Variants in DNASE1 observed in about 807,000 individuals in gnomAD.
DNASE1 encodes the protein deoxyribonuclease-1.
A neutral mutation model predicts 33.9 loss-of-function variants in DNASE1; 40 were observed. The ratio of observed to expected loss-of-function variants is 1.18; its 90% confidence interval spans 0.92 to 1.54. The LOEUF (loss-of-function observed/expected upper bound fraction) is 1.54. Among genes scored for constraint, DNASE1 ranks in the 40% most tolerant of loss-of-function variants. The pLI, the probability that DNASE1 is intolerant of heterozygous loss-of-function variation, is 0.00. For synonymous variants in DNASE1, 216 were observed against 160.0 expected (o/e 1.35, Z -2.64); for missense variants, 518 against 372.6 (o/e 1.39, Z -3.21).
intron 1 of DNASE1, among the ~76,000 whole-genome samples, chr16:3,643,308 G>T (rs1208276397): frequency 6.6e-6 from 1 of 152,276 alleles, no homozygotes; most frequent in African/African-American, 2.4e-5. Flanking sequence ...GCTGCTTAGG[G>T]CAGAGGAGCA....
intron 1 of DNASE1, among the ~76,000 whole-genome samples, chr16:3,624,307 G>T (rs1315281412): frequency 6.6e-6 from 1 of 150,644 alleles, no homozygotes; most frequent in Non-Finnish European, 1.5e-5. Context: ...TTGTGTCCTT[G>T]GTTAGCAAGG....
intron 1 of DNASE1, among the ~76,000 whole-genome samples, chr16:3,633,985 T>C (rs1467418189): frequency 6.6e-6 from 1 of 151,118 alleles, no homozygotes; most frequent in East Asian, 2.0e-4. Flanking sequence ...AGTTTTTTTG[T>C]ATTTTTAGTA....
upstream of DNASE1, chr16:3,653,806 C>CAAAAAAAA (rs71133649): frequency 9.7e-4 from 36 of 37,038 alleles, 5 homozygotes; most frequent in African/African-American, 3.5e-3. Flanking sequence ...GATTCCGCCT[C>CAAAAAAAA]AAAAAAAAAA....
intron 1 of DNASE1, 143 bp downstream of exon 1, chr16:3,655,187 T>C: frequency 2.6e-6 from 2 of 755,810 alleles, no homozygotes. Flanking sequence ...GAGGAGTGAC[T>C]CGGGGTCCTC....
chr16:3,661,132 C>G (rs1035482614), downstream of DNASE1: 1 of 151,892 alleles, frequency 6.6e-6, no homozygotes, highest in Non-Finnish European at 1.5e-5. Context: ...TTAAAATACC[C>G]CATAAGACAC....
chr16:3,656,193 G>A lies in DNASE1; in HGVS notation c.320+8G>A. 6.2e-7 allele frequency: 1 copy of A among 1,613,874 alleles called. No homozygotes were observed. The highest frequency in any genetic ancestry group is 8.5e-7 in the Non-Finnish European group (1 of 1,179,956). On this transcript the variant is annotated splice_region_variant and intron_variant, in intron 4 of 8. Coordinates refer to ENST00000246949, the MANE Select transcript of DNASE1 (RefSeq NM_005223.4). The stretch of plus-strand genomic sequence containing the variant: ...CTACCTGTTCGTGTACAGGTGGGTG[G>A]TCTAGAAAGCCAGGAAGCCCCTCCC...
chr16:3,657,865 C>T, intron 8 of DNASE1, 41 bp from the exon 9 acceptor site: 1 of 1,614,006 alleles, frequency 6.2e-7, no homozygotes, highest in Non-Finnish European at 8.5e-7. Flanking sequence ...CACAGGAGCT[C>T]AGGTAGGCTC....
At chr16:3,635,609 G>A (rs1308076252) in intron 1 of DNASE1, among the ~76,000 whole-genome samples, 2 of 151,496 alleles carry the variant, frequency 1.3e-5, no homozygotes, top group Admixed American at 6.6e-5. Flanking sequence ...TGCAAGGCAG[G>A]TCTACTGATG....
At chr16:3,632,608 A>G (rs1364363961) in intron 1 of DNASE1, among the ~76,000 whole-genome samples, 1 of 145,370 alleles carries the variant, frequency 6.9e-6, no homozygotes, top group Non-Finnish European at 1.5e-5. Flanking sequence ...TTTAAAGACG[A>G]GAGTTTCACT....
chr16:3,658,927 T>C, downstream of DNASE1: 1 of 1,549,578 alleles, frequency 6.5e-7, no homozygotes, highest in Non-Finnish European at 8.9e-7. Flanking sequence ...CCTCCCTTCA[T>C]GTTTTGGGAT....
intron 1 of DNASE1, among the ~76,000 whole-genome samples, chr16:3,631,454 C>T (rs954808688): frequency 1.3e-5 from 2 of 152,164 alleles, no homozygotes; most frequent in African/African-American, 4.8e-5. Context: ...ATCCACCTGC[C>T]TCGGCCTCCC....
In DNASE1 at chr16:3,655,035, A is replaced by G. The variant is rs983911758; in HGVS notation, c.-11A>G. 3.6e-6 allele frequency: 2 copies of G among 558,332 alleles called. No individual in the cohort carries two copies. Among genetic ancestry groups the G allele is most frequent in the Non-Finnish European group, 6.3e-6 (2 of 315,592 alleles). The allele number at this position is 558,332 out of a possible 1,614,324, so 34.6% of individuals were successfully genotyped here. On this transcript the variant is annotated 5_prime_UTR_variant, in exon 1 of 9. Coordinates refer to ENST00000246949, the MANE Select transcript of DNASE1 (RefSeq NM_005223.4). ...TCTCGTCATCTCTGAGGACATCACC[A>G]TCATCTCAGGTGAGCACCAGGTGGA...
chr16:3,615,267 T>TG (rs2041061068), intron 1 of DNASE1, among the ~76,000 whole-genome samples: 1 of 152,178 alleles, frequency 6.6e-6, no homozygotes, highest in Non-Finnish European at 1.5e-5. Flanking sequence ...GGGTGGTGCA[T>TG]GGGATTTCCA....
chr16:3,637,275 T>A (rs1221446191), intron 1 of DNASE1, among the ~76,000 whole-genome samples: 1 of 152,216 alleles, frequency 6.6e-6, no homozygotes, highest in Non-Finnish European at 1.5e-5. Flanking sequence ...TGTTTTTCCT[T>A]CCTTGGGTTT....
chr16:3,663,772 G>A (rs920026797), exon 10 of DNASE1: 15 of 599,512 alleles, frequency 2.5e-5, no homozygotes, highest in Admixed American at 2.1e-4. Flanking sequence ...AGCACTCCAC[G>A]CATAAAGAAA....
chr16:3,664,427 G>A, exon 10 of DNASE1: 1 of 1,612,340 alleles, frequency 6.2e-7, no homozygotes, highest in Non-Finnish European at 8.5e-7. Flanking sequence ...GCAGCGCCGA[G>A]GACTCGTAGC....
chr16:3,655,705 C>G (rs990941968), intron 2 of DNASE1, 144 bp from the exon 3 acceptor site: 37 of 1,373,482 alleles, frequency 2.7e-5, no homozygotes, highest in Non-Finnish European at 3.5e-5. Flanking sequence ...CTGTCCCTGG[C>G]TGGCAGCAGG....
In DNASE1 at chr16:3,656,112, GAC is replaced by G. The variant is rs1419159023; in HGVS notation, c.250_251del (p.Thr84LeufsTer7). ...LLDNLNQDAP[D>X]TYHYVVSEPL... ...GTTTCTTCAATCCAGGGATGCACCAGACACCTATCACTACGTGGTCAGTGAGC... is the reference window on the plus strand; with the variant it reads ...GTTTCTTCAATCCAGGGATGCACCAGACCTATCACTACGTGGTCAGTGAGC... On this transcript the variant is annotated frameshift_variant, in exon 4 of 9. Coordinates refer to ENST00000246949, the MANE Select transcript of DNASE1 (RefSeq NM_005223.4). LOFTEE classifies it high-confidence loss of function. The G allele has an allele frequency of 6.2e-7, 1 of 1,614,012 alleles. No individual in the cohort carries two copies. The highest frequency in any genetic ancestry group is 1.3e-5 in the African/African-American group (1 of 74,926).
upstream of DNASE1, among the ~76,000 whole-genome samples, chr16:3,638,634 G>A (rs535743785): frequency 2.0e-4 from 31 of 152,268 alleles, no homozygotes; most frequent in South Asian, 4.6e-3. Context: ...CACCACGCCC[G>A]GCCTCTGTTT....
Sources: allele counts gnomAD v4.1 joint callset (sites outside exome capture counted in the v4.1 genomes callset), GRCh38; gene constraint gnomAD v4.1.1; transcripts MANE v1.5; gene names NCBI Gene and HGNC (gene_info 2026-07-23, HGNC 2026-07-21).